The following PPP6R1 variants were observed in gnomAD, a reference collection of about 807,000 sequenced individuals.
PPP6R1 encodes protein phosphatase 6 regulatory subunit 1.
In PPP6R1, 39 loss-of-function variants were observed where a neutral mutation model predicts 104.6. The observed-to-expected ratio is 0.37, with a 90% CI of 0.29 to 0.49. The LOEUF (loss-of-function observed/expected upper bound fraction) is 0.49, where lower values mean the gene tolerates loss of function less well. PPP6R1 is among the 20% of genes least tolerant of loss of function. The pLI, the probability that PPP6R1 is intolerant of heterozygous loss-of-function variation, is 0.98. For synonymous variants in PPP6R1, 549 were observed against 479.0 expected (o/e 1.15, Z -1.91); for missense variants, 1,181 against 1,155.8 (o/e 1.02, Z -0.32).
chr19:55,242,793 C>A (rs1399581038), intron 5 of PPP6R1, among the ~76,000 whole-genome samples: 1 of 152,184 alleles, frequency 6.6e-6, no homozygotes, highest in Non-Finnish European at 1.5e-5. Flanking sequence ...AGTGAATATG[C>A]CCAAGCTGGT....
At chr19:55,237,550 G>A (rs373026639) in intron 15 of PPP6R1, among the ~76,000 whole-genome samples, 8 of 152,310 alleles carry the variant, frequency 5.3e-5, no homozygotes, top group African/African-American at 1.9e-4. Flanking sequence ...TGTCCCACGT[G>A]TTACGGACAG....
chr19:55,232,092 G>C lies in PPP6R1; in HGVS notation c.2108C>G (p.Pro703Arg), dbSNP rs1188297505. ...GGATPLSYPS[P>R]GPQPPGPSWT... ...TCATTCACCTGGAGGCTGAGGGCCA[G>C]GGCTGGGGTAGGACAGAGGGGTGGC... The change falls in exon 18 of 24, where the codon CCT becomes CGT. Residue 703 changes from proline to arginine, a missense_variant. Pro to Arg is a moderately radical substitution (Grantham distance 103). Coordinates refer to ENST00000412770, the MANE Select transcript of PPP6R1 (RefSeq NM_014931.4). 1.9e-6 allele frequency: 3 copies of C among 1,610,446 alleles called. No homozygotes were observed. Among genetic ancestry groups the C allele is most frequent in the Non-Finnish European group, 2.5e-6 (3 of 1,178,422 alleles).
chr19:55,233,596 T>G (rs564028470), intron 17 of PPP6R1, among the ~76,000 whole-genome samples: 5 of 152,344 alleles, frequency 3.3e-5, no homozygotes, highest in Admixed American at 2.0e-4. Flanking sequence ...TTCAGCAAGG[T>G]TGCAGGATGA....
In PPP6R1 at chr19:55,236,797, A is replaced by G. The variant is rs576958234; in HGVS notation, c.1834T>C (p.Cys612Arg). 7 of 1,613,892 alleles carry G rather than the reference A, an allele frequency of 4.3e-6. No individual in the cohort carries two copies. The highest frequency in any genetic ancestry group is 1.6e-4 in the Middle Eastern group (1 of 6,062). Residue 612 changes from cysteine (C) to arginine (R), a missense_variant, in exon 17 of 24, where the codon TGC (cysteine) becomes CGC (arginine). Cys to Arg is a radical substitution (Grantham distance 180, BLOSUM62 -3). Around this residue, in one of 2 missense-constraint regions of PPP6R1, gnomAD observed 1,042 missense variants for 955.6 expected, o/e 1.09. Transcript: ENST00000412770. Reference sequence around the variant, plus strand: ...AACTGCTGGATGCGGTCCTTGTAGCATATCTCAAGTAGGTTGGCGTTGGGC... The same window carrying G: ...AACTGCTGGATGCGGTCCTTGTAGCGTATCTCAAGTAGGTTGGCGTTGGGC... ...ENPNANLLEI[C>R]YKDRIQQFDD...
Position 55,242,373 on chromosome 19 carries a change from C to G in PPP6R1, c.731+3G>C. 1 of 1,613,110 alleles carries G rather than the reference C, an allele frequency of 6.2e-7. No individual in the cohort carries two copies. Among genetic ancestry groups the G allele is most frequent in the South Asian group, 1.1e-5 (1 of 91,070 alleles). On this transcript the variant is annotated splice_donor_region_variant and intron_variant, in intron 6 of 23. Coordinates refer to ENST00000412770, the MANE Select transcript of PPP6R1 (RefSeq NM_014931.4). Reference sequence around the variant, plus strand: ...CCAGCCTTAGCCTTGCCCGCACACCCACTTCTCCAGGGTGGCCAGCAGTTG... The same window carrying G: ...CCAGCCTTAGCCTTGCCCGCACACCGACTTCTCCAGGGTGGCCAGCAGTTG...
Position 55,231,847 on chromosome 19 carries a change from G to C in PPP6R1, c.2261C>G (p.Thr754Ser). Reference protein sequence around the residue: ...GPLSVPQGLPTQSLASPPARD... With the variant: ...GPLSVPQGLPSQSLASPPARD... ...GGCAGGAGGGCTGGCCAGGCTCTGA[G>C]TGGGGAGGCCCTGGGGCACACTGAG... is the stretch of plus-strand genomic sequence containing the variant. The change falls in exon 19 of 24, where the codon ACT becomes AGT. Residue 754 changes from threonine (T) to serine (S), a missense_variant. Transcript: ENST00000412770. The C allele has an allele frequency of 6.6e-7, 1 of 1,504,974 alleles. No individual in the cohort carries two copies. Among genetic ancestry groups the C allele is most frequent in the Non-Finnish European group, 8.9e-7 (1 of 1,127,824 alleles). 93.2% of individuals were successfully genotyped at this position (1,504,974 alleles called of 1,614,324 possible). A position where few individuals can be genotyped will look rare whatever the true frequency, so the allele number is the denominator to read the frequency against.
intron 5 of PPP6R1, among the ~76,000 whole-genome samples, chr19:55,244,281 C>T (rs2087486371): frequency 6.6e-6 from 1 of 152,202 alleles, no homozygotes; most frequent in Non-Finnish European, 1.5e-5. Flanking sequence ...CTCCCAGTGG[C>T]CTCGGATATC....
At chr19:55,243,093 C>G (rs1037287691) in intron 5 of PPP6R1, among the ~76,000 whole-genome samples, 14 of 152,118 alleles carry the variant, frequency 9.2e-5, no homozygotes, top group African/African-American at 3.4e-4. Flanking sequence ...GGTGTGATGG[C>G]ACATGCCTAT....
At chr19:55,237,935 C>T (rs2087414105) in intron 15 of PPP6R1, among the ~76,000 whole-genome samples, 1 of 152,216 alleles carries the variant, frequency 6.6e-6, no homozygotes, top group South Asian at 2.1e-4. Context: ...CACTTAACTT[C>T]TTAACCCCTC....
Position 55,232,129 on chromosome 19 carries a change from C to A in PPP6R1, c.2071G>T (p.Ala691Ser). 6.3e-7 allele frequency: 1 copy of A among 1,596,696 alleles called. No individual in the cohort carries two copies. Among genetic ancestry groups the A allele is most frequent in the Admixed American group, 1.7e-5 (1 of 57,186 alleles). ...EEDEEGIGCA[A>S]RGGATPLSYP... ...GACAGAGGGGTGGCCCCTCCACGGGCTGCACAGCCAATGCCCTCCTCGTCT... is the reference window on the plus strand; with the variant it reads ...GACAGAGGGGTGGCCCCTCCACGGGATGCACAGCCAATGCCCTCCTCGTCT... Residue 691 changes from alanine to serine, a missense_variant, in exon 18 of 24, where the codon GCC becomes TCC. By Grantham distance (99) the Ala-to-Ser change is moderately conservative. Transcript: ENST00000412770.
chr19:55,241,444 G>A lies in PPP6R1; in HGVS notation c.1008+33C>T, dbSNP rs750287103. On this transcript the variant is annotated intron_variant, in intron 8 of 23. Coordinates refer to ENST00000412770, the MANE Select transcript of PPP6R1 (RefSeq NM_014931.4). The surrounding 1 kb of genome is among the most constrained non-coding windows in gnomAD (Gnocchi z 5.4). ...AAGGGCTGCCCTTCCTGCTTCCCCC[G>A]CCTCCCCGAGGACCAGAACCCACAC... 5.6e-6 allele frequency: 9 copies of A among 1,595,524 alleles called. No individual in the cohort carries two copies. Among genetic ancestry groups the A allele is most frequent in the Admixed American group, 1.7e-5 (1 of 58,528 alleles).
intron 1 of PPP6R1, among the ~76,000 whole-genome samples, chr19:55,249,545 A>C (rs1378354791): frequency 1.4e-4 from 22 of 152,032 alleles, no homozygotes; most frequent in Admixed American, 1.4e-3. Context: ...CCAGACTCCC[A>C]ATATTCCTTC....
chr19:55,249,766 G>A (rs373084135), intron 1 of PPP6R1, among the ~76,000 whole-genome samples: 9 of 152,134 alleles, frequency 5.9e-5, no homozygotes, highest in African/African-American at 1.4e-4. Context: ...GCCTGAACCC[G>A]GGAGCGGAGG....
At chr19:55,255,400 T>C (rs1367543025) in intron 1 of PPP6R1, among the ~76,000 whole-genome samples, 1 of 152,124 alleles carries the variant, frequency 6.6e-6, no homozygotes, top group Non-Finnish European at 1.5e-5. Context: ...TCAGAAAAGC[T>C]TGCATTCCCA....
In PPP6R1 at chr19:55,230,674, G is replaced by C. The variant is rs749366934; in HGVS notation, c.2581C>G (p.Leu861Val). The change falls in exon 23 of 24, where the codon CTC becomes GTC. Residue 861 changes from leucine (L) to valine (V), a missense_variant. By Grantham distance (32) the Leu-to-Val change is conservative. Around this residue, in one of 2 missense-constraint regions of PPP6R1, gnomAD observed 1,042 missense variants for 955.6 expected, o/e 1.09. Transcript: ENST00000412770. The stretch of plus-strand genomic sequence containing the variant: ...CCATTGGGTATCGGAGGAGGCGTGA[G>C]GGCCTGGGCACTGTCAGGGGAGAGA... ...GLPQSQSAQALTPPPIPNGSA... is the reference protein window; with the variant it reads ...GLPQSQSAQAVTPPPIPNGSA... 2.5e-6 allele frequency: 4 copies of C among 1,599,164 alleles called. No individual in the cohort carries two copies. In the South Asian group the frequency reaches 4.5e-5, roughly 18 times the overall value.
At chr19:55,249,414 CT>C (rs1568950533) in intron 1 of PPP6R1, among the ~76,000 whole-genome samples, 1 of 152,096 alleles carries the variant, frequency 6.6e-6, no homozygotes, top group African/African-American at 2.4e-5. Flanking sequence ...GCTAATTTTT[CT>C]ATTTTGGTAG....
chr19:55,251,605 C>T (rs2087553965), intron 1 of PPP6R1, among the ~76,000 whole-genome samples: 1 of 152,188 alleles, frequency 6.6e-6, no homozygotes. Flanking sequence ...TTCCTTGCTC[C>T]GGGAACCTCT....
chr19:55,235,093 T>C (rs1417692302), intron 17 of PPP6R1, among the ~76,000 whole-genome samples: 1 of 151,802 alleles, frequency 6.6e-6, no homozygotes, highest in Non-Finnish European at 1.5e-5. Flanking sequence ...AATTCCGAAA[T>C]CAAAAGTCAT....
At chr19:55,250,185 G>A (rs973574216) in intron 1 of PPP6R1, among the ~76,000 whole-genome samples, 5 of 152,184 alleles carry the variant, frequency 3.3e-5, no homozygotes, top group South Asian at 2.1e-4. Context: ...CCTGCACTGC[G>A]CTGACTACTC....
Sources: gnomAD v4.1 joint callset for allele counts (sites outside exome capture counted in the v4.1 genomes callset) on GRCh38, gnomAD v4.1.1 for gene constraint, gnomAD v4.1.1 regional missense constraint, Gnocchi (gnomAD v3.1) non-coding constraint, MANE v1.5 for transcripts, NCBI Gene and HGNC (gene_info 2026-07-23, HGNC 2026-07-21) for gene names.